The following CDH13 variants were observed in gnomAD, a reference collection of about 807,000 sequenced individuals.
The protein encoded by CDH13 is cadherin 13.
In CDH13, 24 loss-of-function variants were observed where a neutral mutation model predicts 63.8. That is an observed-to-expected ratio of 0.38 (90% confidence interval 0.27 to 0.53). CDH13 has a LOEUF of 0.53. Ranked by LOEUF, CDH13 falls within the 20% of genes least tolerant of loss-of-function variation. The probability of loss-of-function intolerance (pLI) is 0.85; values close to 1 mark genes in which losing one functional copy is unlikely to be tolerated. For missense variants in CDH13, 1,049 were observed against 903.1 expected (o/e 1.16, Z -2.07); for synonymous variants, 503 against 355.3 (o/e 1.42, Z -4.67).
chr16:83,210,021 T>G (rs994279452), intron 4 of CDH13, among the ~76,000 whole-genome samples: 1 of 151,976 alleles, frequency 6.6e-6, no homozygotes, highest in African/African-American at 2.4e-5. Flanking sequence ...GCTCTGAGAT[T>G]TTACCCTCTG....
intron 5 of CDH13, among the ~76,000 whole-genome samples, chr16:83,321,345 C>T (rs933473813): frequency 3.9e-5 from 6 of 152,160 alleles, no homozygotes; most frequent in Admixed American, 1.3e-4. Flanking sequence ...AGTATCACAG[C>T]AAGTTGATCA....
intron 4 of CDH13, among the ~76,000 whole-genome samples, chr16:83,183,130 G>T (rs940286671): frequency 6.6e-6 from 1 of 152,092 alleles, no homozygotes; most frequent in African/African-American, 2.4e-5. Flanking sequence ...ACATTTAAGG[G>T]AACTATTCGT....
intron 2 of CDH13, among the ~76,000 whole-genome samples, chr16:82,865,456 C>T (rs569909874): frequency 6.6e-6 from 1 of 152,250 alleles, no homozygotes; most frequent in Non-Finnish European, 1.5e-5. Flanking sequence ...CTTCCGTGCA[C>T]CTGCAGGCCC....
At chr16:83,250,838 T>C (rs1419490087) in intron 5 of CDH13, among the ~76,000 whole-genome samples, 1 of 152,224 alleles carries the variant, frequency 6.6e-6, no homozygotes, top group African/African-American at 2.4e-5. Context: ...CTGCACTCTT[T>C]CTTTCTTCAA....
At chr16:83,057,884 A>G (rs2031110870) in intron 3 of CDH13, among the ~76,000 whole-genome samples, 2 of 152,198 alleles carry the variant, frequency 1.3e-5, no homozygotes, top group South Asian at 4.1e-4. Context: ...TGCACACAGT[A>G]ATTCCTTAAC....
rs1184709523 is a variant in CDH13, at chr16:83,447,086, T to TTA, written c.782-39388_782-39387dup. Among the ~76,000 whole-genome samples, 5 of 132,684 alleles carry TTA rather than the reference T, an allele frequency of 3.8e-5. No homozygotes were observed. In the South Asian group the frequency reaches 1.2e-3, roughly 33 times the overall value. 87.0% of individuals were successfully genotyped at this position (132,684 alleles called of 152,430 possible). On this transcript the variant is annotated intron_variant, in intron 6 of 13. Transcript: ENST00000567109. ...AAAAAAAAAAAAAACAAAAAACACC[T>TTA]TATAGTAACCTTTTTTTTTTTTTTT...
At chr16:82,994,678 G>A (rs1912013664) in intron 2 of CDH13, among the ~76,000 whole-genome samples, 1 of 152,110 alleles carries the variant, frequency 6.6e-6, no homozygotes, top group South Asian at 2.1e-4. Context: ...ATTAGTCTTT[G>A]ACAAATGAAA....
intron 1 of CDH13, among the ~76,000 whole-genome samples, chr16:82,643,479 C>G (rs1462977845): frequency 1.3e-5 from 2 of 152,226 alleles, no homozygotes; most frequent in Non-Finnish European, 2.9e-5. Flanking sequence ...GATTAAGACC[C>G]AGGCTGTTTG....
chr16:83,729,569 A>T (rs2150949523), intron 10 of CDH13, among the ~76,000 whole-genome samples: 1 of 152,332 alleles, frequency 6.6e-6, no homozygotes, highest in East Asian at 1.9e-4. Context: ...ATGGTTGGAC[A>T]ACTCTATCAC....
chr16:83,745,870 G>A (rs986150854), intron 10 of CDH13, among the ~76,000 whole-genome samples: 7 of 152,082 alleles, frequency 4.6e-5, no homozygotes, highest in Admixed American at 6.6e-5. Context: ...CTCAGAATTC[G>A]TATCTTCTTC....
chr16:82,798,981 A>C (rs530805147), intron 1 of CDH13, among the ~76,000 whole-genome samples: 1 of 152,274 alleles, frequency 6.6e-6, no homozygotes, highest in South Asian at 2.1e-4. Flanking sequence ...GACCTGACAG[A>C]GGTAGGATTC....
chr16:83,542,330 T>G (rs904006291), intron 7 of CDH13, among the ~76,000 whole-genome samples: 2 of 152,190 alleles, frequency 1.3e-5, no homozygotes, highest in Non-Finnish European at 2.9e-5. Context: ...GATTGCAAAC[T>G]ACTGCTCCAT....
intron 6 of CDH13, among the ~76,000 whole-genome samples, chr16:83,400,472 C>A (rs928741719): frequency 6.6e-6 from 1 of 152,116 alleles, no homozygotes; most frequent in Non-Finnish European, 1.5e-5. Context: ...GAGGAAACTT[C>A]CTGAAGGAAT....
intron 4 of CDH13, among the ~76,000 whole-genome samples, chr16:83,207,187 C>T (rs185087784): frequency 2.0e-5 from 3 of 152,286 alleles, no homozygotes; most frequent in East Asian, 3.9e-4. Context: ...CCATCCATCT[C>T]CAGAACGTTT....
intron 10 of CDH13, among the ~76,000 whole-genome samples, chr16:83,707,881 A>G (rs916757080): frequency 7.0e-6 from 1 of 143,018 alleles, no homozygotes; most frequent in Non-Finnish European, 1.5e-5. Context: ...TTGAATTTTG[A>G]GGAGAAGGCA....
chr16:83,490,335 A>G (rs964027754), intron 7 of CDH13, among the ~76,000 whole-genome samples: 5 of 152,186 alleles, frequency 3.3e-5, no homozygotes, highest in African/African-American at 1.2e-4. Context: ...CTACCTAATC[A>G]TCTTCCCTGC....
In CDH13 at chr16:83,480,401, C is replaced by T. The variant is rs552126077; in HGVS notation, c.782-6076C>T. On this transcript the variant is annotated intron_variant, in intron 6 of 13. Transcript: ENST00000567109. ...GTTTTAAAAATAGATAGCCCAGGTC[C>T]TCAGCCGGGCCACTGGCTTGATTCT... Among the ~76,000 whole-genome samples the T allele has an allele frequency of 1.1e-3, 169 of 152,276 alleles. 1 individual carries two copies. The highest frequency in any genetic ancestry group is 1.6e-3 in the Non-Finnish European group (111 of 68,028).
intron 3 of CDH13, among the ~76,000 whole-genome samples, chr16:83,119,824 T>C (rs990606998): frequency 4.6e-5 from 7 of 152,086 alleles, no homozygotes; most frequent in Non-Finnish European, 8.8e-5. Context: ...ACAAACTCAT[T>C]AGCACAGACT....
intron 11 of CDH13, among the ~76,000 whole-genome samples, chr16:83,778,003 A>G (rs2151005417): frequency 6.6e-6 from 1 of 152,328 alleles, no homozygotes; most frequent in Admixed American, 6.5e-5. Flanking sequence ...GTATAAAATT[A>G]TGGTGCTGTA....
Sources: allele counts gnomAD v4.1 joint callset (sites outside exome capture counted in the v4.1 genomes callset), GRCh38; gene constraint gnomAD v4.1.1; transcripts MANE v1.5; gene names NCBI Gene and HGNC (gene_info 2026-07-23, HGNC 2026-07-21).